Variants in WDR7 observed in about 807,000 individuals in gnomAD.
The protein encoded by WDR7 is WD repeat domain 7.
WDR7 carries 46 observed loss-of-function variants against 169.4 expected under a neutral mutation model. The observed-to-expected ratio is 0.27, with a 90% CI of 0.21 to 0.35. The LOEUF (loss-of-function observed/expected upper bound fraction) is 0.35. WDR7 is among the 10% of genes least tolerant of loss of function. The pLI is 1.00. For synonymous variants in WDR7, 612 were observed against 666.8 expected, an observed-to-expected ratio of 0.92 and a Z score of 1.27; for missense variants, 1,534 against 1,859.3, an observed-to-expected ratio of 0.83 and a Z score of 3.22.
At chr18:56,745,704 C>A (rs1293492125) in intron 14 of WDR7, among the ~76,000 whole-genome samples, 2 of 151,984 alleles carry the variant, frequency 1.3e-5, no homozygotes, top group African/African-American at 2.4e-5. Context: ...AGGTTGGGGA[C>A]CCTTGTTCTA....
chr18:56,695,357 T>C (rs1267023746), intron 11 of WDR7, among the ~76,000 whole-genome samples, 159 bp downstream of exon 11: 1 of 152,164 alleles, frequency 6.6e-6, no homozygotes, highest in African/African-American at 2.4e-5. Context: ...AGATAAAATA[T>C]TCAGTGCCTG....
chr18:56,959,659 A>G (rs2047310286), intron 25 of WDR7, among the ~76,000 whole-genome samples: 1 of 152,116 alleles, frequency 6.6e-6, no homozygotes, highest in East Asian at 1.9e-4. Flanking sequence ...AAACCCCCAA[A>G]TTTTACAGGA....
chr18:56,959,744 A>G (rs2047312077), intron 25 of WDR7, among the ~76,000 whole-genome samples: 1 of 152,166 alleles, frequency 6.6e-6, no homozygotes, highest in Non-Finnish European at 1.5e-5. Flanking sequence ...AAAAACTATA[A>G]CGGACCCTTC....
chr18:56,934,103 A>G (rs775897769), intron 22 of WDR7, among the ~76,000 whole-genome samples: 4 of 152,244 alleles, frequency 2.6e-5, no homozygotes, highest in African/African-American at 7.2e-5. Flanking sequence ...AGTATCATCA[A>G]TCCCTATTCA....
chr18:56,742,917 CT>C (rs1371732153), intron 14 of WDR7, among the ~76,000 whole-genome samples: 3 of 145,462 alleles, frequency 2.1e-5, no homozygotes, highest in Non-Finnish European at 3.0e-5. Flanking sequence ...TAAGCTTTAT[CT>C]TTTATCTCAG....
At chr18:56,959,957 A>G (rs2047316756) in intron 25 of WDR7, among the ~76,000 whole-genome samples, 1 of 152,152 alleles carries the variant, frequency 6.6e-6, no homozygotes, top group South Asian at 2.1e-4. Flanking sequence ...TGGTTCCCAT[A>G]GTGAATACTT....
intron 13 of WDR7, among the ~76,000 whole-genome samples, chr18:56,719,423 A>G (rs886200508): frequency 1.3e-5 from 2 of 151,938 alleles, no homozygotes; most frequent in African/African-American, 4.8e-5. Context: ...TTAGCCGGGC[A>G]TGTTGGCGGG....
chr18:56,726,156 A>C (rs1180057133), intron 13 of WDR7, among the ~76,000 whole-genome samples: 3 of 152,170 alleles, frequency 2.0e-5, no homozygotes, highest in Non-Finnish European at 4.4e-5. Context: ...GTTCCATATG[A>C]ACTTTAAAGT....
intron 19 of WDR7, among the ~76,000 whole-genome samples, chr18:56,815,087 T>C (rs1326127478): frequency 6.6e-6 from 1 of 152,186 alleles, no homozygotes; most frequent in African/African-American, 2.4e-5. Flanking sequence ...AATGTTTAAG[T>C]TAATACCCCT....
chr18:56,783,128 G>A (rs2044344346), intron 19 of WDR7, among the ~76,000 whole-genome samples: 1 of 146,754 alleles, frequency 6.8e-6, no homozygotes, highest in South Asian at 2.2e-4. Context: ...TTTGCTTTCT[G>A]GAAATTTTTC....
At position 56,924,123 on chromosome 18, in the gene WDR7, C is replaced by T. The variant is rs73958708; in HGVS notation, c.3713+15C>T. 47,976 of 1,606,664 alleles carry T rather than the reference C, an allele frequency of 0.03. 799 individuals are homozygous for T. The highest frequency in any genetic ancestry group is 0.061 in the Middle Eastern group (370 of 6,048). On this transcript the variant is annotated intron_variant, in intron 22 of 27. Coordinates refer to ENST00000254442, the MANE Select transcript of WDR7 (RefSeq NM_015285.3). ...CAACTTGCCAAGTATGTGTGGATTC[C>T]GGTTAATTTAATTTGTCACTGTTTT...
rs79349770 is a variant in WDR7 at position 56,668,353 on chromosome 18, C to T, written c.-19-4144C>T. 2.9e-3 allele frequency among the ~76,000 whole-genome samples: 440 copies of T among 152,274 alleles called. 6 individuals are homozygous for T. The East Asian group carries it at 0.04, about 14-fold the overall frequency. Reference sequence around the variant, plus strand: ...AACATGTGATTACCTGAGCCTATTCCGGTTAATTCCTACTCATTCTAGTCA... The same window carrying T: ...AACATGTGATTACCTGAGCCTATTCTGGTTAATTCCTACTCATTCTAGTCA... On this transcript the variant is annotated intron_variant, in intron 1 of 27. Coordinates refer to ENST00000254442, the MANE Select transcript of WDR7 (RefSeq NM_015285.3).
At chr18:56,827,467 G>C (rs533766056) in intron 20 of WDR7, among the ~76,000 whole-genome samples, 1 of 152,060 alleles carries the variant, frequency 6.6e-6, no homozygotes. Flanking sequence ...AATGTCGCCT[G>C]TTCTCATTTA....
Position 57,027,053 on chromosome 18 carries a change from A to G in WDR7, c.4319A>G (p.Gln1440Arg). The G allele has an allele frequency of 6.2e-7, 1 of 1,614,128 alleles. No homozygotes were observed. Among genetic ancestry groups the G allele is most frequent in the East Asian group, 2.2e-5 (1 of 44,876 alleles). The change falls in exon 28 of 28, where the codon CAG (glutamine) becomes CGG (arginine). Residue 1440 changes from glutamine (Q) to arginine (R), a missense_variant. By Grantham distance (43) the Gln-to-Arg change is conservative (BLOSUM62 1). Transcript: ENST00000254442. The part of the protein sequence containing the change: ...GSIGMLNSAP[Q>R]LRCIKTYQVP... ...ATCGGCATGCTGAACTCGGCACCTC[A>G]GCTGCGCTGCATTAAAACCTACCAG...
At chr18:56,794,304 A>ATTTTTTTTTTTTTTTTTC (rs2044544773) in intron 19 of WDR7, among the ~76,000 whole-genome samples, 1 of 49,466 alleles carries the variant, frequency 2.0e-5, no homozygotes, top group Non-Finnish European at 3.8e-5. Context: ...GGTAAAGTCT[A>ATTTTTTTTTTTTTTTTTC]TTTTTTTTTT....
intron 14 of WDR7, among the ~76,000 whole-genome samples, chr18:56,739,637 G>A (rs1301058390): frequency 2.6e-5 from 4 of 151,934 alleles, no homozygotes; most frequent in Non-Finnish European, 5.9e-5. Flanking sequence ...AATTTTCTCA[G>A]TTTTTGATTG....
intron 21 of WDR7, among the ~76,000 whole-genome samples, chr18:56,886,756 A>T (rs1468748910): frequency 1.3e-5 from 2 of 152,186 alleles, no homozygotes; most frequent in Non-Finnish European, 2.9e-5. Flanking sequence ...GACTCATGTA[A>T]ACTTAAGCTA....
At chr18:56,808,869 A>G (rs1249671715) in intron 19 of WDR7, among the ~76,000 whole-genome samples, 1 of 152,228 alleles carries the variant, frequency 6.6e-6, no homozygotes, top group East Asian at 1.9e-4. Flanking sequence ...AAGTGGCTTA[A>G]AAAATATTGC....
intron 21 of WDR7, among the ~76,000 whole-genome samples, chr18:56,901,540 G>A (rs1261167078): frequency 1.3e-5 from 2 of 152,166 alleles, no homozygotes; most frequent in East Asian, 3.9e-4. Context: ...CAATGGCCTA[G>A]TAATGTCCCA....
Sources: allele counts gnomAD v4.1 joint callset (sites outside exome capture counted in the v4.1 genomes callset), GRCh38; gene constraint gnomAD v4.1.1; transcripts MANE v1.5; gene names NCBI Gene and HGNC (gene_info 2026-07-23, HGNC 2026-07-21).